The following PDGFRA variants were observed in gnomAD, a reference collection of about 807,000 sequenced individuals.
PDGFRA encodes the protein platelet-derived growth factor receptor alpha.
In PDGFRA, 25 loss-of-function variants were observed where a neutral mutation model predicts 121.5. That is an observed-to-expected ratio of 0.21 (90% confidence interval 0.15 to 0.29). The LOEUF is 0.29. PDGFRA is among the 10% of genes least tolerant of loss of function. PDGFRA has a pLI of 1.00. For synonymous variants in PDGFRA, 463 were observed against 494.8 expected (o/e 0.94, Z 0.85); for missense variants, 1,008 against 1,345.1 (o/e 0.75, Z 3.92).
intron 2 of PDGFRA, among the ~76,000 whole-genome samples, chr4:54,259,320 A>AG (rs1722555880): frequency 6.6e-6 from 1 of 152,192 alleles, no homozygotes; most frequent in Non-Finnish European, 1.5e-5. Context: ...TTTAAAAAAA[A>AG]TGTTCAAAGG....
At chr4:54,289,305 T>TG (rs1460840351) in intron 21 of PDGFRA, among the ~76,000 whole-genome samples, 191 bp downstream of exon 21, 1 of 152,174 alleles carries the variant, frequency 6.6e-6, no homozygotes, top group African/African-American at 2.4e-5. Context: ...CCCCTTCCCG[T>TG]GGGGCTTTCC....
Position 54,272,419 on chromosome 4 carries a change from CGAT to C in PDGFRA, c.1267_1269del (p.Asp423del). ...TTCCTTCATCCATTCTGGACTTGGT[CGAT>C]GATCACCATGGCTCAACTGGGGGAC... On this transcript the variant is annotated inframe_deletion, in exon 9 of 23. Coordinates refer to ENST00000257290, the MANE Select transcript of PDGFRA (RefSeq NM_006206.6). The C allele has an allele frequency of 6.2e-7, 1 of 1,613,968 alleles. No homozygotes were observed.
intron 1 of PDGFRA, among the ~76,000 whole-genome samples, chr4:54,250,410 C>G (rs1721988561): frequency 6.6e-6 from 1 of 152,106 alleles, no homozygotes; most frequent in Non-Finnish European, 1.5e-5. Flanking sequence ...ACATATTTGG[C>G]TTATTAGATA....
intron 1 of PDGFRA, 140 bp downstream of exon 1, chr4:54,229,555 G>A (rs1381376255): frequency 2.6e-6 from 1 of 387,668 alleles, no homozygotes; most frequent in Non-Finnish European, 4.5e-6. Flanking sequence ...TGTGTCCAGA[G>A]AGTAATTTTT....
chr4:54,282,095 A>G, intron 16 of PDGFRA: 1 of 437,344 alleles, frequency 2.3e-6, no homozygotes, highest in Non-Finnish European at 3.1e-6. Flanking sequence ...TTATGGTTGA[A>G]AAAAAGAAAT....
intron 1 of PDGFRA, among the ~76,000 whole-genome samples, chr4:54,258,227 C>T (rs923423026): frequency 5.3e-5 from 8 of 152,118 alleles, no homozygotes; most frequent in South Asian, 2.1e-4. Context: ...GCAAGAACCC[C>T]GGCTGGGTGC....
intron 1 of PDGFRA, among the ~76,000 whole-genome samples, chr4:54,231,700 C>T (rs1044168684): frequency 7.9e-5 from 12 of 152,256 alleles, no homozygotes; most frequent in Non-Finnish European, 1.3e-4. Context: ...GGCCCTGCTT[C>T]GGAGCTTGCA....
chr4:54,291,686 C>A (rs547881630), intron 22 of PDGFRA, among the ~76,000 whole-genome samples: 1 of 152,082 alleles, frequency 6.6e-6, no homozygotes, highest in African/African-American at 2.4e-5. Flanking sequence ...TGTTGAAGTG[C>A]AAATTAGTTC....
At chr4:54,280,766 A>AAT (rs1560485797) in intron 16 of PDGFRA, 4 of 213,138 alleles carry the variant, frequency 1.9e-5, no homozygotes, top group East Asian at 1.9e-4. Context: ...TTTTTAAAAA[A>AAT]AATAATTATT....
rs111808788 is a variant in PDGFRA, at chr4:54,277,315, G to C, written c.1787-73G>C. On this transcript the variant is annotated intron_variant, in intron 12 of 22. Coordinates refer to ENST00000257290, the MANE Select transcript of PDGFRA (RefSeq NM_006206.6). Reference sequence around the variant, plus strand: ...ACTCGCCCAGCTGTCCGCCCGCAGAGAGCTGGCTACGGTGCAGAAAGCTGA... The same window carrying C: ...ACTCGCCCAGCTGTCCGCCCGCAGACAGCTGGCTACGGTGCAGAAAGCTGA... The C allele has an allele frequency of 1.1e-5, 11 of 987,326 alleles. No individual in the cohort carries two copies. The South Asian group carries it at 1.1e-4, about 10-fold the overall frequency. The allele number at this position is 987,326 out of a possible 1,614,324, so 61.2% of individuals were successfully genotyped here. A position where few individuals can be genotyped will look rare whatever the true frequency, so the allele number is the denominator to read the frequency against.
intron 13 of PDGFRA, among the ~76,000 whole-genome samples, 183 bp from the exon 14 acceptor site, chr4:54,277,713 C>A (rs1577730569): frequency 6.6e-6 from 1 of 152,152 alleles, no homozygotes; most frequent in Non-Finnish European, 1.5e-5. Context: ...CCAGTGACTT[C>A]TTTTTACTAG....
chr4:54,278,618 A>G, intron 15 of PDGFRA, 103 bp downstream of exon 15: 1 of 1,147,244 alleles, frequency 8.7e-7, no homozygotes, highest in South Asian at 1.3e-5. Context: ...TTCAGTGCCC[A>G]AGGTAGCAAG....
At position 54,290,563 on chromosome 4, in the gene PDGFRA, G is replaced by A. The variant is rs1724580513; in HGVS notation, c.3122+9G>A. The A allele has an allele frequency of 4.3e-6, 7 of 1,614,078 alleles. No homozygotes were observed. Among genetic ancestry groups the A allele is most frequent in the Non-Finnish European group, 5.1e-6 (6 of 1,180,000 alleles). The stretch of plus-strand genomic sequence containing the variant: ...AAGAGGAACAGACACAGGTAGCTGT[G>A]GGGGCAGCCTCGGTGTCTCACCTTT... On this transcript the variant is annotated intron_variant, in intron 22 of 22. Transcript: ENST00000257290.
chr4:54,251,344 A>G (rs1379317233), intron 1 of PDGFRA, among the ~76,000 whole-genome samples: 1 of 152,230 alleles, frequency 6.6e-6, no homozygotes. Flanking sequence ...GCTTTTAACA[A>G]TTGAAAAAAG....
intron 1 of PDGFRA, among the ~76,000 whole-genome samples, chr4:54,245,026 TA>T (rs1158144412): frequency 6.6e-6 from 1 of 152,062 alleles, no homozygotes; most frequent in African/African-American, 2.4e-5. Context: ...GAAAAAAGAA[TA>T]AAAAGAAACG....
At chr4:54,237,218 C>T (rs1721067194) in intron 1 of PDGFRA, among the ~76,000 whole-genome samples, 4 of 152,202 alleles carry the variant, frequency 2.6e-5, no homozygotes, top group East Asian at 3.9e-4. Context: ...GATCTGCCCA[C>T]CTCAGCCTTC....
chr4:54,272,500 G>A lies in PDGFRA; in HGVS notation c.1344G>A (p.Met448Ile). ...CGCCGCTTCCTGATATTGAGTGGAT[G>A]ATATGCAAAGATATTAAGAAGTATG... ...EGTPLPDIEW[M>I]ICKDIKKCNN... Residue 448 changes from methionine (M) to isoleucine (I), a missense_variant, in exon 9 of 23, where the codon ATG (methionine) becomes ATA (isoleucine). Transcript: ENST00000257290. The A allele has an allele frequency of 6.2e-7, 1 of 1,614,026 alleles. No individual in the cohort carries two copies. The highest frequency in any genetic ancestry group is 1.3e-5 in the African/African-American group (1 of 75,042).
At chr4:54,269,326 A>G (rs1338317753) in intron 7 of PDGFRA, among the ~76,000 whole-genome samples, 1 of 152,134 alleles carries the variant, frequency 6.6e-6, no homozygotes, top group Admixed American at 6.5e-5. Flanking sequence ...ACTCTGTGCT[A>G]TGTGTACAAT....
rs769276081 is a variant in PDGFRA at position 54,267,589 on chromosome 4, G to T, written c.969G>T (p.Gln323His). The T allele has an allele frequency of 1.2e-6, 2 of 1,614,196 alleles. No homozygotes were observed. Among genetic ancestry groups the T allele is most frequent in the Non-Finnish European group, 1.7e-6 (2 of 1,180,040 alleles). The change falls in exon 7 of 23, where the codon CAG becomes CAT. Residue 323 changes from glutamine (Q) to histidine (H), a missense_variant. This residue lies in a region of PDGFRA where 575 missense variants were observed against 701.8 expected (regional missense o/e 0.82). Coordinates refer to ENST00000257290, the MANE Select transcript of PDGFRA (RefSeq NM_006206.6). ...GFIEIKPTFS[Q>H]LEAVNLHEVK... The stretch of plus-strand genomic sequence containing the variant: ...TTGAAATCAAACCCACCTTCAGCCA[G>T]TTGGAAGCTGTCAACCTGCATGAAG...
Sources: gnomAD v4.1 joint callset for allele counts (sites outside exome capture counted in the v4.1 genomes callset) on GRCh38, gnomAD v4.1.1 for gene constraint, gnomAD v4.1.1 regional missense constraint, MANE v1.5 for transcripts, NCBI Gene and HGNC (gene_info 2026-07-23, HGNC 2026-07-21) for gene names.